The following FARSB variants were observed in gnomAD, a reference collection of about 807,000 sequenced individuals.
The protein encoded by FARSB is phenylalanyl-tRNA synthetase subunit beta, also known as phenylalanine--tRNA ligase beta subunit.
A neutral mutation model predicts 69.6 loss-of-function variants in FARSB; 40 were observed. The ratio of observed to expected loss-of-function variants is 0.57; its 90% CI spans 0.45 to 0.75. The LOEUF (loss-of-function observed/expected upper bound fraction) is 0.75, where lower values mean the gene tolerates loss of function less well. Among genes scored for constraint, FARSB ranks in the 30% least tolerant of loss-of-function variants. FARSB has a pLI of 0.00. For missense variants in FARSB, 632 were observed against 722.9 expected, an observed-to-expected ratio of 0.87 and a Z score of 1.44; for synonymous variants, 235 against 247.2, an observed-to-expected ratio of 0.95 and a Z score of 0.46.
In FARSB at chr2:222,624,410, C is replaced by T. The variant is rs2106219550; in HGVS notation, c.1032G>A (p.Gly344=). 1.2e-6 allele frequency: 2 copies of T among 1,612,384 alleles called. No individual in the cohort carries two copies. The highest frequency in any genetic ancestry group is 1.7e-4 in the Middle Eastern group (1 of 6,050). Residue 344 remains glycine (G), a synonymous_variant, in exon 12 of 17, where the codon GGG becomes GGA. Transcript: ENST00000281828. ...MYLKSEVIGD[G]NQIEIEIPPT... ...GAGGGATTTCAATCTCAATCTGATT[C>T]CCATCACCTATGACTTCTGATTTTA...
intron 4 of FARSB, 50 bp downstream of exon 4, chr2:222,640,812 A>G (rs1230224273): frequency 5.4e-6 from 5 of 923,162 alleles, no homozygotes; most frequent in African/African-American, 3.4e-5. Flanking sequence ...TTATACAGAC[A>G]TGTACAAAAG....
intron 5 of FARSB, among the ~76,000 whole-genome samples, chr2:222,635,464 T>A (rs1691554523): frequency 6.6e-6 from 1 of 152,194 alleles, no homozygotes; most frequent in Admixed American, 6.5e-5. Context: ...TAACAGGCAA[T>A]AAGGGAGTGT....
At position 222,570,944 on chromosome 2, in the gene FARSB, C is replaced by A. The variant is rs1559184490; in HGVS notation, c.*927G>T. The A allele has an allele frequency of 6.6e-6, 1 of 151,930 alleles. No homozygotes were observed. Among genetic ancestry groups the A allele is most frequent in the African/African-American group, 2.4e-5 (1 of 41,328 alleles). The allele number at this position is 151,930 out of a possible 1,614,324, so 9.4% of individuals were successfully genotyped here. ...ACCCAGCTTTTTTCCAGAGATGGTA[C>A]CTACTGGAGAATTCTAGATTGAAGT... On this transcript the variant is annotated 3_prime_UTR_variant, in exon 17 of 17. Coordinates refer to ENST00000281828, the MANE Select transcript of FARSB (RefSeq NM_005687.5).
chr2:222,613,407 T>C (rs976259239), intron 15 of FARSB, among the ~76,000 whole-genome samples: 4 of 152,108 alleles, frequency 2.6e-5, no homozygotes, highest in Non-Finnish European at 5.9e-5. Flanking sequence ...TAGCCGGGTG[T>C]GGTGGCACAT....
At chr2:222,595,792 C>T (rs957140939) in intron 16 of FARSB, among the ~76,000 whole-genome samples, 1 of 151,934 alleles carries the variant, frequency 6.6e-6, no homozygotes, top group Non-Finnish European at 1.5e-5. Context: ...GTTCCAAATA[C>T]AAAAATGTGG....
intron 7 of FARSB, 48 bp downstream of exon 7, chr2:222,633,151 G>T (rs747734014): frequency 1.1e-6 from 1 of 928,292 alleles, no homozygotes; most frequent in South Asian, 1.3e-5. Flanking sequence ...AAATGCTGAA[G>T]ATTAAAAGGA....
chr2:222,632,681 G>C (rs1465932955), intron 7 of FARSB, among the ~76,000 whole-genome samples: 1 of 152,116 alleles, frequency 6.6e-6, no homozygotes. Context: ...AGGCACGGCA[G>C]CTCACATCTA....
intron 15 of FARSB, among the ~76,000 whole-genome samples, chr2:222,609,767 T>A (rs114926810): frequency 0.015 from 2,344 of 152,194 alleles, 31 homozygotes; most frequent in Middle Eastern, 0.031. Flanking sequence ...AAAGTCTACA[T>A]TAGAATAAGA....
At chr2:222,631,543 G>T in intron 8 of FARSB, 61 bp downstream of exon 8, 1 of 904,052 alleles carries the variant, frequency 1.1e-6, no homozygotes, top group Non-Finnish European at 1.8e-6. Flanking sequence ...ACTTAGTCTT[G>T]GTCCGGAAAT....
intron 15 of FARSB, among the ~76,000 whole-genome samples, chr2:222,605,161 T>TTCTCTCTCTCTTTCTCTCTCTCTC (rs1690668443): frequency 1.5e-5 from 2 of 132,676 alleles, no homozygotes; most frequent in Non-Finnish European, 3.2e-5. Flanking sequence ...AATACAAACT[T>TTCTCTCTCTCTTTCTCTCTCTCTC]TCTCTCTCTC....
At position 222,633,208 on chromosome 2, in the gene FARSB, TG is replaced by T; in HGVS notation, c.705del (p.Ile236SerfsTer9). 1.4e-6 allele frequency: 2 copies of T among 1,445,644 alleles called. No homozygotes were observed. Among genetic ancestry groups the T allele is most frequent in the Non-Finnish European group, 1.9e-6 (2 of 1,027,158 alleles). 89.6% of individuals were successfully genotyped at this position (1,445,644 alleles called of 1,614,324 possible). ...TTATAAAATAACTCACCATTGATGA[TG>T]GGAGGCATTGAAAGGACGACACCAT... The part of the protein sequence containing the change: ...DSNGVVLSMP[P>X]IINGDHSRIT... On this transcript the variant is annotated frameshift_variant, in exon 7 of 17. Coordinates refer to ENST00000281828, the MANE Select transcript of FARSB (RefSeq NM_005687.5). LOFTEE classifies it high-confidence loss of function.
Position 222,581,838 on chromosome 2 carries a change from T to C in FARSB, c.1619-9816A>G, listed in dbSNP as rs144201357. On this transcript the variant is annotated intron_variant, in intron 16 of 16. Coordinates refer to ENST00000281828, the MANE Select transcript of FARSB (RefSeq NM_005687.5). ...CTTGTAAACATGTAAATATGTTACA[T>C]TTGCTCACGGCAAGGGAAATTCAAT... Among the ~76,000 whole-genome samples, 11 of 152,326 alleles carry C rather than the reference T, an allele frequency of 7.2e-5. No individual in the cohort carries two copies. In the East Asian group the frequency reaches 2.1e-3, roughly 29 times the overall value.
chr2:222,581,196 A>C (rs531210079), intron 16 of FARSB, among the ~76,000 whole-genome samples: 1 of 152,384 alleles, frequency 6.6e-6, no homozygotes, highest in Admixed American at 6.5e-5. Flanking sequence ...CAGTAAAGTT[A>C]ACGGGCCTCC....
rs1358895993 is a variant in FARSB, at chr2:222,650,595, T to C, written c.59-1800A>G. On this transcript the variant is annotated intron_variant, in intron 1 of 16. Coordinates refer to ENST00000281828, the MANE Select transcript of FARSB (RefSeq NM_005687.5). ...CCGATCTCTGGTTTGGGGGAAAAAA[T>C]GGGTGGGGATATCATTAACTAGGGC... 8.6e-5 allele frequency among the ~76,000 whole-genome samples: 13 copies of C among 151,856 alleles called. No homozygotes were observed. The East Asian group carries it at 2.1e-3, about 25-fold the overall frequency.
In FARSB at chr2:222,572,153, C is replaced by T. The variant is rs189464589; in HGVS notation, c.1619-131G>A. 637 of 727,608 alleles carry T rather than the reference C, an allele frequency of 8.8e-4. 3 individuals carry two copies. The Admixed American group carries it at 0.016, about 18-fold the overall frequency. 45.1% of individuals were successfully genotyped at this position (727,608 alleles called of 1,614,324 possible). A position where few individuals can be genotyped will look rare whatever the true frequency, so the allele number is the denominator to read the frequency against. ...TAAATCACTGGCTATGAAAAGAGAA[C>T]GCTTCCTCATACTTTCTAGTATTTA... is the stretch of plus-strand genomic sequence containing the variant. On this transcript the variant is annotated intron_variant, in intron 16 of 16. Coordinates refer to ENST00000281828, the MANE Select transcript of FARSB (RefSeq NM_005687.5).
At chr2:222,650,719 C>T (rs1246096355) in intron 1 of FARSB, among the ~76,000 whole-genome samples, 1 of 152,134 alleles carries the variant, frequency 6.6e-6, no homozygotes, top group Non-Finnish European at 1.5e-5. Context: ...CAGCAATCAC[C>T]TGAGTGAGTC....
chr2:222,639,667 G>A lies in FARSB; in HGVS notation c.368C>T (p.Ala123Val). The A allele has an allele frequency of 6.3e-7, 1 of 1,579,532 alleles. No homozygotes were observed. Among genetic ancestry groups the A allele is most frequent in the Non-Finnish European group, 8.6e-7 (1 of 1,158,934 alleles). Residue 123 changes from alanine to valine, a missense_variant, in exon 5 of 17, where the codon GCA becomes GTA. Coordinates refer to ENST00000281828, the MANE Select transcript of FARSB (RefSeq NM_005687.5). ...ETAKIRPFAV[A>V]AVLRNIKFTK... is the part of the protein sequence containing the mutation. ...AAACTTTATATTACGGAGAACTGCTGCTACCGCAAAAGGACGTATCTTAGC... is the reference window on the plus strand; with the variant it reads ...AAACTTTATATTACGGAGAACTGCTACTACCGCAAAAGGACGTATCTTAGC...
At chr2:222,628,945 G>T in intron 9 of FARSB, 57 bp from the exon 10 acceptor site, 1 of 1,215,368 alleles carries the variant, frequency 8.2e-7, no homozygotes. Flanking sequence ...ATAAATTACA[G>T]ACATGAGTAT....
intron 14 of FARSB, among the ~76,000 whole-genome samples, chr2:222,616,729 C>T (rs1402611565): frequency 6.6e-6 from 1 of 152,034 alleles, no homozygotes; most frequent in Non-Finnish European, 1.5e-5. Context: ...CTTGCCCATT[C>T]TCCAACATAT....
Sources: gnomAD v4.1 joint callset for allele counts (sites outside exome capture counted in the v4.1 genomes callset) on GRCh38, gnomAD v4.1.1 for gene constraint, MANE v1.5 for transcripts, NCBI Gene and HGNC (gene_info 2026-07-23, HGNC 2026-07-21) for gene names.